Variants in ENTPD3 observed in about 807,000 individuals in gnomAD.
ENTPD3 encodes ectonucleoside triphosphate diphosphohydrolase 3.
ENTPD3 carries 60 observed loss-of-function variants against 51.2 expected under a neutral mutation model. That is an observed-to-expected ratio of 1.17 (90% CI 0.95 to 1.45). The LOEUF (loss-of-function observed/expected upper bound fraction) is 1.45, where lower values mean the gene tolerates loss of function less well. Among genes scored for constraint, ENTPD3 ranks in the 40% most tolerant of loss-of-function variants. ENTPD3 has a pLI of 0.00. For missense variants in ENTPD3, 593 were observed against 641.1 expected, an observed-to-expected ratio of 0.93 and a Z score of 0.81; for synonymous variants, 221 against 238.4, an observed-to-expected ratio of 0.93 and a Z score of 0.67.
chr3:40,388,625 C>CACA (rs1553641847), intron 2 of ENTPD3, among the ~76,000 whole-genome samples: 2 of 147,788 alleles, frequency 1.4e-5, no homozygotes, highest in Non-Finnish European at 3.0e-5. Context: ...CACACACACA[C>CACA]TTCTAAGCTT....
chr3:40,402,622 T>C (rs1553643106), intron 4 of ENTPD3, among the ~76,000 whole-genome samples: 1 of 152,208 alleles, frequency 6.6e-6, no homozygotes, highest in Non-Finnish European at 1.5e-5. Flanking sequence ...TTTGCCATTA[T>C]TATTATCATA....
intron 4 of ENTPD3, among the ~76,000 whole-genome samples, chr3:40,408,818 G>A (rs1955561282): frequency 1.3e-5 from 2 of 152,192 alleles, no homozygotes; most frequent in Admixed American, 6.5e-5. Flanking sequence ...GATCACTTGA[G>A]CCTAGGAGTT....
intron 4 of ENTPD3, among the ~76,000 whole-genome samples, chr3:40,403,456 G>C (rs1575216025): frequency 6.6e-6 from 1 of 152,138 alleles, no homozygotes; most frequent in Non-Finnish European, 1.5e-5. Flanking sequence ...AAGTGGCTTG[G>C]CTGTAATACC....
intron 4 of ENTPD3, among the ~76,000 whole-genome samples, chr3:40,407,973 T>C (rs1459330974): frequency 6.6e-6 from 1 of 152,124 alleles, no homozygotes; most frequent in African/African-American, 2.4e-5. Context: ...TTTCTAGAAA[T>C]TAACTCCCAG....
At position 40,414,747 on chromosome 3, in the gene ENTPD3, CT is replaced by C; in HGVS notation, c.507del (p.Phe169LeufsTer25). ...SIQSYFKSQP[F>X]DFRGAQIISG... Reference sequence around the variant, plus strand: ...TCCAAAGCTACTTCAAGTCCCAGCCCTTTGACTTTAGGGGTGCTCAAATCAT... The same window carrying C: ...TCCAAAGCTACTTCAAGTCCCAGCCCTTGACTTTAGGGGTGCTCAAATCAT... On this transcript the variant is annotated frameshift_variant, in exon 6 of 11. Coordinates refer to ENST00000301825, the MANE Select transcript of ENTPD3 (RefSeq NM_001248.4). LOFTEE classifies it high-confidence loss of function. 1 of 1,614,096 alleles carries C rather than the reference CT, an allele frequency of 6.2e-7. No individual in the cohort carries two copies. The highest frequency in any genetic ancestry group is 8.5e-7 in the Non-Finnish European group (1 of 1,180,000).
intron 7 of ENTPD3, among the ~76,000 whole-genome samples, chr3:40,417,793 C>T (rs1010559032): frequency 1.3e-5 from 2 of 152,178 alleles, no homozygotes; most frequent in African/African-American, 2.4e-5. Context: ...CTCTTTTCTC[C>T]AGCTCCTTTT....
chr3:40,401,117 G>A (rs989580233), intron 4 of ENTPD3, 106 bp downstream of exon 4: 1 of 823,238 alleles, frequency 1.2e-6, no homozygotes, highest in Non-Finnish European at 2.1e-6. Context: ...GGCAGGGAAT[G>A]AGCATTGGAC....
chr3:40,427,751 G>T lies in ENTPD3; in HGVS notation c.*243G>T, dbSNP rs1326848342. ...TGCTGATCTATTGGGGAACAGAGAA[G>T]AGACAGGCCACGAAGGTCAGGCTCT... On this transcript the variant is annotated 3_prime_UTR_variant, in exon 11 of 11. Coordinates refer to ENST00000301825, the MANE Select transcript of ENTPD3 (RefSeq NM_001248.4). The T allele has an allele frequency of 3.7e-6, 2 of 540,224 alleles. No homozygotes were observed. The highest frequency in any genetic ancestry group is 3.8e-5 in the African/African-American group (2 of 52,756). 33.5% of individuals were successfully genotyped at this position (540,224 alleles called of 1,614,324 possible).
At position 40,410,390 on chromosome 3, in the gene ENTPD3, G is replaced by A. The variant is rs114971937; in HGVS notation, c.287-1422G>A. Among the ~76,000 whole-genome samples the A allele has an allele frequency of 4.8e-3, 708 of 148,950 alleles. 3 individuals are homozygous for A. Among genetic ancestry groups the A allele is most frequent in the African/African-American group, 0.011 (442 of 40,448 alleles). ...TGGCAGACAGAGGTTGTAGTGAGCC[G>A]AGATCACACCAACTGCACTGCAGTC... On this transcript the variant is annotated intron_variant, in intron 4 of 10. Transcript: ENST00000301825.
At chr3:40,402,935 C>T (rs1021790226) in intron 4 of ENTPD3, among the ~76,000 whole-genome samples, 15 of 152,094 alleles carry the variant, frequency 9.9e-5, no homozygotes, top group African/African-American at 2.7e-4. Context: ...CTTCCTCGTT[C>T]GAGCATTAGG....
chr3:40,414,627 TTTAAGAC>T, intron 5 of ENTPD3, 47 bp from the exon 6 acceptor site: 1 of 1,596,106 alleles, frequency 6.3e-7, no homozygotes, highest in South Asian at 1.1e-5. Context: ...GACTATGTAT[TTTAAGAC>T]TGTATTGTCT....
chr3:40,417,589 A>G (rs1449346353), intron 7 of ENTPD3, among the ~76,000 whole-genome samples: 1 of 152,066 alleles, frequency 6.6e-6, no homozygotes, highest in East Asian at 1.9e-4. Flanking sequence ...AGACAAAGCC[A>G]AACCATGTCA....
chr3:40,414,588 C>G, intron 5 of ENTPD3, 93 bp from the exon 6 acceptor site: 1 of 1,315,142 alleles, frequency 7.6e-7, no homozygotes, highest in South Asian at 1.3e-5. Flanking sequence ...AGCAGGGAGA[C>G]GGTGAAGTTT....
At chr3:40,397,877 T>C (rs1955246912) in intron 3 of ENTPD3, among the ~76,000 whole-genome samples, 1 of 152,198 alleles carries the variant, frequency 6.6e-6, no homozygotes, top group Non-Finnish European at 1.5e-5. Flanking sequence ...CCATGGTTTT[T>C]TCTGACACTG....
At chr3:40,418,450 G>A (rs1474392581) in intron 7 of ENTPD3, among the ~76,000 whole-genome samples, 1 of 152,160 alleles carries the variant, frequency 6.6e-6, no homozygotes, top group South Asian at 2.1e-4. Flanking sequence ...AAGGAACTAC[G>A]TAGTGTGGTG....
chr3:40,419,320 A>G (rs1955813406), intron 7 of ENTPD3, among the ~76,000 whole-genome samples: 1 of 152,110 alleles, frequency 6.6e-6, no homozygotes, highest in South Asian at 2.1e-4. Flanking sequence ...ATTACCACCC[A>G]TGTTGTGATG....
Position 40,401,006 on chromosome 3 carries a change from T to C in ENTPD3, c.281T>C (p.Val94Ala). The C allele has an allele frequency of 6.2e-7, 1 of 1,611,804 alleles. No homozygotes were observed. Among genetic ancestry groups the C allele is most frequent in the Non-Finnish European group, 8.5e-7 (1 of 1,178,020 alleles). Residue 94 changes from valine to alanine, a missense_variant, in exon 4 of 11, where the codon GTG becomes GCG. Coordinates refer to ENST00000301825, the MANE Select transcript of ENTPD3 (RefSeq NM_001248.4). Reference protein sequence around the residue: ...GVVSQTFKCSVKGSGISSYGN... With the variant: ...GVVSQTFKCSAKGSGISSYGN... ...GTCAGTCAAACCTTCAAATGTAGTG[T>C]GAAAGGTAAGGACTGAAGTGTGTCT...
In ENTPD3 at chr3:40,407,120, T is replaced by C. The variant is rs139962628; in HGVS notation, c.287-4692T>C. 1.6e-3 allele frequency among the ~76,000 whole-genome samples: 248 copies of C among 152,222 alleles called. 1 individual carries two copies. The highest frequency in any genetic ancestry group is 5.8e-3 in the African/African-American group (241 of 41,528). On this transcript the variant is annotated intron_variant, in intron 4 of 10. Transcript: ENST00000301825. Reference sequence around the variant, plus strand: ...TGGGGAACACTGGGAGTGGAGCATATTGGGGGCAGGGCAAAGCTTAAAGAG... The same window carrying C: ...TGGGGAACACTGGGAGTGGAGCATACTGGGGGCAGGGCAAAGCTTAAAGAG...
intron 8 of ENTPD3, 37 bp downstream of exon 8, chr3:40,423,159 T>A: frequency 6.3e-7 from 1 of 1,592,272 alleles, no homozygotes; most frequent in Non-Finnish European, 8.6e-7. Flanking sequence ...CCTTTCCCCA[T>A]TGAATATTCA....
Sources: gnomAD v4.1 joint callset for allele counts (sites outside exome capture counted in the v4.1 genomes callset) on GRCh38, gnomAD v4.1.1 for gene constraint, MANE v1.5 for transcripts, NCBI Gene and HGNC (gene_info 2026-07-23, HGNC 2026-07-21) for gene names.